Variants in MROH2B observed in about 807,000 individuals in gnomAD.
MROH2B encodes maestro heat-like repeat-containing protein family member 2B.
Under a neutral mutation model 208.6 loss-of-function variants are expected in MROH2B, and 177 were observed. The ratio of observed to expected loss-of-function variants is 0.85; its 90% CI spans 0.75 to 0.96. The LOEUF is 0.96. Among genes scored for constraint, MROH2B ranks in the 40% least tolerant of loss-of-function variants. The pLI is 0.00. For missense variants in MROH2B, 2,002 were observed against 1,878.7 expected (o/e 1.07, Z -1.21); for synonymous variants, 728 against 659.0 (o/e 1.10, Z -1.60).
Position 41,000,677 on chromosome 5 carries a change from CA to C in MROH2B, c.4350del (p.Ala1451LeufsTer6). On this transcript the variant is annotated frameshift_variant and splice_region_variant, in exon 38 of 42. Coordinates refer to ENST00000399564, the MANE Select transcript of MROH2B (RefSeq NM_173489.5). LOFTEE classifies it high-confidence loss of function. Reference protein sequence around the residue: ...HLWDPNPKIGVACRDVLMVCI... With the variant: ...HLWDPNPKIGXACRDVLMVCI... ...TGCAGGTGTCTGTGGAGAGCACTTA[CA>C]ACTCCAATCTTGGGGTTGGGATCCC... 6.2e-7 allele frequency: 1 copy of C among 1,609,056 alleles called. No individual in the cohort carries two copies. The highest frequency in any genetic ancestry group is 1.3e-5 in the African/African-American group (1 of 74,880).
intron 30 of MROH2B, 123 bp from the exon 31 acceptor site, chr5:41,010,202 T>G (rs995483120): frequency 7.8e-6 from 7 of 891,766 alleles, no homozygotes; most frequent in Non-Finnish European, 1.6e-6. Flanking sequence ...AAAATAATAA[T>G]TGATTTCACA....
At chr5:41,039,192 G>A (rs1008283819) in intron 20 of MROH2B, among the ~76,000 whole-genome samples, 1 of 152,240 alleles carries the variant, frequency 6.6e-6, no homozygotes, top group African/African-American at 2.4e-5. Context: ...TGAGGGCCGA[G>A]TGGTTGGTAG....
intron 25 of MROH2B, 31 bp downstream of exon 25, chr5:41,018,852 G>T: frequency 1.2e-6 from 2 of 1,613,754 alleles, no homozygotes; most frequent in South Asian, 1.1e-5. Flanking sequence ...ACTGCAGACT[G>T]TCATCCTACT....
chr5:41,065,632 G>A, intron 3 of MROH2B, 142 bp from the exon 4 acceptor site: 1 of 653,904 alleles, frequency 1.5e-6, no homozygotes, highest in South Asian at 2.6e-5. Flanking sequence ...GTGCAGGTTG[G>A]TCACATGGTT....
intron 28 of MROH2B, among the ~76,000 whole-genome samples, chr5:41,016,768 C>T (rs6870108): frequency 0.47 from 71,841 of 151,454 alleles, 17,122 homozygotes; most frequent in African/African-American, 0.51. Flanking sequence ...GGGTGACCCA[C>T]CACGTCCAGC....
chr5:41,007,688 A>G (rs1741640909), intron 33 of MROH2B, among the ~76,000 whole-genome samples: 1 of 152,184 alleles, frequency 6.6e-6, no homozygotes, highest in South Asian at 2.1e-4. Flanking sequence ...CTCCCCCCAT[A>G]AGAAAAAATA....
intron 13 of MROH2B, 57 bp downstream of exon 13, chr5:41,050,920 G>C (rs1743264744): frequency 9.1e-7 from 1 of 1,103,084 alleles, no homozygotes. Context: ...TCTTACACAG[G>C]CTGGGCTTTA....
At chr5:41,021,038 G>A (rs1465801408) in intron 24 of MROH2B, among the ~76,000 whole-genome samples, 2 of 152,144 alleles carry the variant, frequency 1.3e-5, no homozygotes, top group Non-Finnish European at 1.5e-5. Context: ...CTTATATGTA[G>A]GAGCTCTAAT....
Position 41,061,656 on chromosome 5 carries a change from G to A in MROH2B, c.529C>T (p.Leu177=). 6.2e-7 allele frequency: 1 copy of A among 1,613,958 alleles called. No individual in the cohort carries two copies. Among genetic ancestry groups the A allele is most frequent in the East Asian group, 2.2e-5 (1 of 44,884 alleles). The part of the protein sequence containing the change: ...NHWRDFPYPR[L]DANRLSDKIF... Reference sequence around the variant, plus strand: ...TTGTCAGACAGTCGGTTGGCATCCAGTCTGGGGTAGGGAAAATCTCTCCAG... The same window carrying A: ...TTGTCAGACAGTCGGTTGGCATCCAATCTGGGGTAGGGAAAATCTCTCCAG... The change falls in exon 6 of 42, where the codon CTG becomes TTG. Residue 177 remains leucine, a synonymous_variant. Coordinates refer to ENST00000399564, the MANE Select transcript of MROH2B (RefSeq NM_173489.5).
chr5:41,023,438 A>G (rs190013896), intron 24 of MROH2B, among the ~76,000 whole-genome samples: 4 of 152,354 alleles, frequency 2.6e-5, no homozygotes, highest in East Asian at 1.9e-4. Flanking sequence ...AAGAAAGGGT[A>G]TCAGTGATTG....
chr5:41,005,499 G>A, intron 35 of MROH2B, 32 bp downstream of exon 35: 3 of 1,475,770 alleles, frequency 2.0e-6, no homozygotes, highest in Non-Finnish European at 1.8e-6. Context: ...TGGGGACCCA[G>A]TGAGTGTGCT....
Position 41,070,930 on chromosome 5 carries a change from G to C in MROH2B, c.-78C>G, listed in dbSNP as rs904790688. 1.4e-6 allele frequency: 2 copies of C among 1,472,798 alleles called. No individual in the cohort carries two copies. The highest frequency in any genetic ancestry group is 2.8e-5 in the African/African-American group (2 of 71,620). 91.2% of individuals were successfully genotyped at this position (1,472,798 alleles called of 1,614,324 possible). A position where few individuals can be genotyped will look rare whatever the true frequency, so the allele number is the denominator to read the frequency against. On this transcript the variant is annotated 5_prime_UTR_variant, in exon 1 of 42. Transcript: ENST00000399564. ...TAAGGCTAAAAAATCAAAGAGGCAG[G>C]TTGGCAAGTTTCTCATATAAGGTTC...
chr5:41,030,097 AT>A (rs573759937), intron 24 of MROH2B, among the ~76,000 whole-genome samples: 297 of 152,120 alleles, frequency 2.0e-3, no homozygotes, highest in African/African-American at 7.1e-3. Context: ...ATTAAAAAAA[AT>A]ATTATAATTA....
intron 37 of MROH2B, among the ~76,000 whole-genome samples, chr5:41,001,543 T>C (rs1349634501): frequency 6.6e-6 from 1 of 152,058 alleles, no homozygotes; most frequent in Admixed American, 6.6e-5. Context: ...AAACCCTGTC[T>C]CTACTAAAAA....
chr5:41,049,216 T>C (rs1743211130), intron 14 of MROH2B, 64 bp downstream of exon 14: 4 of 1,609,028 alleles, frequency 2.5e-6, no homozygotes, highest in Non-Finnish European at 2.5e-6. Flanking sequence ...CAAAGCACTG[T>C]AGCCTTCCTG....
chr5:41,018,129 C>T (rs1742017676), intron 27 of MROH2B, among the ~76,000 whole-genome samples, 159 bp from the exon 28 acceptor site: 1 of 152,140 alleles, frequency 6.6e-6, no homozygotes, highest in South Asian at 2.1e-4. Context: ...TTTTTAAGGG[C>T]AGTGGAGAAG....
intron 24 of MROH2B, among the ~76,000 whole-genome samples, chr5:41,022,666 T>A (rs1406523039): frequency 1.3e-5 from 2 of 152,214 alleles, no homozygotes; most frequent in Non-Finnish European, 2.9e-5. Flanking sequence ...CTCTGCAGAC[T>A]TAAATGTCTC....
intron 5 of MROH2B, among the ~76,000 whole-genome samples, chr5:41,063,598 C>A (rs549154272): frequency 6.6e-6 from 1 of 152,108 alleles, no homozygotes; most frequent in Non-Finnish European, 1.5e-5. Flanking sequence ...AATGGAAGAG[C>A]CTTTGTTTCT....
rs533439292 is a variant in MROH2B, at chr5:41,009,790, T to C, written c.3293+132A>G. 95 of 802,190 alleles carry C rather than the reference T, an allele frequency of 1.2e-4. No individual in the cohort carries two copies. In the South Asian group the frequency reaches 2.3e-3, roughly 19 times the overall value. 49.7% of individuals were successfully genotyped at this position (802,190 alleles called of 1,614,324 possible). The stretch of plus-strand genomic sequence containing the variant: ...ACATTACTTGTGATTCAAATACCAA[T>C]TGTTAAATTGTTATTCAGATGAGCT... On this transcript the variant is annotated intron_variant, in intron 31 of 41. Coordinates refer to ENST00000399564, the MANE Select transcript of MROH2B (RefSeq NM_173489.5).
Sources: gnomAD v4.1 joint callset for allele counts (sites outside exome capture counted in the v4.1 genomes callset) on GRCh38, gnomAD v4.1.1 for gene constraint, MANE v1.5 for transcripts, NCBI Gene and HGNC (gene_info 2026-07-23, HGNC 2026-07-21) for gene names.